Variants in CFAP46 observed in about 807,000 individuals in gnomAD.
CFAP46 encodes the protein cilia- and flagella-associated protein 46.
In CFAP46, 245 loss-of-function variants were observed where a neutral mutation model predicts 325.7. The ratio of observed to expected loss-of-function variants is 0.75; its 90% CI spans 0.68 to 0.84. The LOEUF (loss-of-function observed/expected upper bound fraction) is 0.84. CFAP46 is among the 40% of genes least tolerant of loss of function. The probability of loss-of-function intolerance (pLI) is 0.00; values close to 1 mark genes in which losing one functional copy is unlikely to be tolerated. For missense variants in CFAP46, 3,346 were observed against 3,543.0 expected (o/e 0.94, Z 1.41); for synonymous variants, 1,523 against 1,495.9 (o/e 1.02, Z -0.42).
intron 34 of CFAP46, among the ~76,000 whole-genome samples, chr10:132,866,433 C>T (rs993705339): frequency 1.3e-5 from 2 of 152,304 alleles, no homozygotes; most frequent in East Asian, 1.9e-4. Flanking sequence ...TTGAAGCCAA[C>T]TAAGCCCACC....
chr10:132,922,765 G>C, intron 11 of CFAP46, 57 bp from the exon 12 acceptor site: 1 of 1,385,650 alleles, frequency 7.2e-7, no homozygotes, highest in Non-Finnish European at 9.9e-7. Flanking sequence ...TGTCAGGCTG[G>C]GGTCACACCC....
rs559618044 is a variant in CFAP46 at position 132,869,322 on chromosome 10, T to C, written c.4562A>G (p.His1521Arg). The change falls in exon 33 of 58, where the codon CAT (histidine) becomes CGT (arginine). Residue 1521 changes from histidine to arginine, a missense_variant. Physicochemically the swap from His to Arg is conservative, Grantham distance 29 (BLOSUM62 0). Coordinates refer to ENST00000368586, the MANE Select transcript of CFAP46 (RefSeq NM_001200049.3). The surrounding 1 kb of genome is among the most constrained non-coding windows in gnomAD (Gnocchi z 6.2). ...GCACACCTGCCCGACCGCCTCTTCA[T>C]GGCGCGCGGCTGCTTCTCTCAGCTT... The part of the protein sequence containing the change: ...ELKLREAAAR[H>R]EEAVGQVCVS... 35 of 1,539,402 alleles carry C rather than the reference T, an allele frequency of 2.3e-5. No individual in the cohort carries two copies. The South Asian group carries it at 3.8e-4, about 17-fold the overall frequency.
intron 46 of CFAP46, among the ~76,000 whole-genome samples, chr10:132,835,903 G>C (rs1370425575): frequency 5.4e-5 from 2 of 36,836 alleles, no homozygotes; most frequent in Admixed American, 3.2e-4. Flanking sequence ...CCATGCTCCC[G>C]TCCCCTCCGC....
chr10:132,938,360 G>C (rs147740613), intron 5 of CFAP46, among the ~76,000 whole-genome samples: 1 of 152,366 alleles, frequency 6.6e-6, no homozygotes, highest in East Asian at 1.9e-4. Flanking sequence ...ACAGTATCTT[G>C]TTCTGTTGTC....
rs777370005 is a variant in CFAP46, at chr10:132,934,864, T to C, written c.756-2A>G. 9.6e-6 allele frequency: 15 copies of C among 1,559,116 alleles called. No homozygotes were observed. Among genetic ancestry groups the C allele is most frequent in the Non-Finnish European group, 1.8e-6 (2 of 1,130,708 alleles). ...GGTAAATCATTTTGCTCCGCTTTTC[T>C]AGAAATAATTCAGAGAGTAATTCAG... On this transcript the variant is annotated splice_acceptor_variant, in intron 7 of 57. Coordinates refer to ENST00000368586, the MANE Select transcript of CFAP46 (RefSeq NM_001200049.3). LOFTEE classifies it high-confidence loss of function.
chr10:132,929,274 C>T (rs939711377), intron 9 of CFAP46: 1 of 585,518 alleles, frequency 1.7e-6, no homozygotes, highest in South Asian at 2.2e-5. Flanking sequence ...GCTGTGGCCT[C>T]TCCCTCAGAA....
chr10:132,902,499 T>C (rs1470912988), intron 22 of CFAP46, among the ~76,000 whole-genome samples: 1 of 152,252 alleles, frequency 6.6e-6, no homozygotes, highest in Non-Finnish European at 1.5e-5. Context: ...TTATTATCGG[T>C]TCCATTCTTT....
chr10:132,827,994 C>T lies in CFAP46; in HGVS notation c.7117+5364G>A, dbSNP rs1002210108. On this transcript the variant is annotated intron_variant, in intron 50 of 57. Coordinates refer to ENST00000368586, the MANE Select transcript of CFAP46 (RefSeq NM_001200049.3). This position sits in a 1 kb window ranked among gnomAD's most constrained non-coding sequence, Gnocchi z 5.7. ...CCCTCAGCGTAATCCTTCTGAGCCC[C>T]GTCTACGCTGTCCCACGCACCAACA... Among the ~76,000 whole-genome samples, 1 of 151,274 alleles carries T rather than the reference C, an allele frequency of 6.6e-6. No individual in the cohort carries two copies. Among genetic ancestry groups the T allele is most frequent in the South Asian group, 2.1e-4 (1 of 4,820 alleles).
intron 19 of CFAP46, among the ~76,000 whole-genome samples, chr10:132,911,765 A>G (rs1849543812): frequency 6.6e-6 from 1 of 152,168 alleles, no homozygotes; most frequent in Non-Finnish European, 1.5e-5. Flanking sequence ...GGTCTGCTGC[A>G]TTTTACTGGG....
intron 44 of CFAP46, 175 bp from the exon 45 acceptor site, chr10:132,837,089 G>C (rs1286352733): frequency 1.1e-5 from 6 of 562,416 alleles, no homozygotes; most frequent in Non-Finnish European, 1.9e-5. Flanking sequence ...ACTCGGGGCT[G>C]CCACCAGGGG....
intron 28 of CFAP46, among the ~76,000 whole-genome samples, chr10:132,879,937 G>A (rs1849013778): frequency 6.6e-6 from 1 of 151,666 alleles, no homozygotes; most frequent in South Asian, 2.1e-4. Flanking sequence ...AGCTGCACCT[G>A]GCCTGGGCAC....
rs558198706 is a variant in CFAP46, at chr10:132,909,258, T to C, written c.2650-14A>G. On this transcript the variant is annotated splice_polypyrimidine_tract_variant and intron_variant, in intron 20 of 57. Coordinates refer to ENST00000368586, the MANE Select transcript of CFAP46 (RefSeq NM_001200049.3). ...CTCATTGGTGCCCTGGTGGGGAGGATGCCCTGAGTGTATCAGCCCAAGCGT... is the reference window on the plus strand; with the variant it reads ...CTCATTGGTGCCCTGGTGGGGAGGACGCCCTGAGTGTATCAGCCCAAGCGT... 113 of 1,540,532 alleles carry C rather than the reference T, an allele frequency of 7.3e-5. No individual in the cohort carries two copies. The African/African-American group carries it at 1.4e-3, about 18-fold the overall frequency.
At chr10:132,867,006 G>A (rs929987615) in intron 34 of CFAP46, among the ~76,000 whole-genome samples, 3 of 152,166 alleles carry the variant, frequency 2.0e-5, no homozygotes, top group Non-Finnish European at 2.9e-5. Flanking sequence ...AGGGAGGCCC[G>A]TGGTGCACAT....
intron 35 of CFAP46, among the ~76,000 whole-genome samples, chr10:132,864,252 C>T (rs1311502635): frequency 1.4e-5 from 2 of 139,022 alleles, no homozygotes; most frequent in Non-Finnish European, 3.1e-5. Context: ...ACACACCCGT[C>T]CCCAGTGTCT....
At chr10:132,870,879 C>T (rs61862306) in intron 32 of CFAP46, among the ~76,000 whole-genome samples, 4,877 of 152,302 alleles carry the variant, frequency 0.032, 120 homozygotes, top group Non-Finnish European at 0.044. Flanking sequence ...CACTGTAGAC[C>T]GCACAGCCTT....
In CFAP46 at chr10:132,866,341, C is replaced by T. The variant is rs1848812709; in HGVS notation, c.4744-170G>A. On this transcript the variant is annotated intron_variant, in intron 34 of 57. Transcript: ENST00000368586. ...GGCGCCTCGCAAGCTCCCCGTGTGC[C>T]CCAAGGCCAGAGCTCAGGCCTTTGC... 2.0e-5 allele frequency among the ~76,000 whole-genome samples: 3 copies of T among 152,304 alleles called. 1 individual carries two copies. The South Asian group carries it at 6.2e-4, about 32-fold the overall frequency.
chr10:132,872,409 A>T (rs1848905732), intron 32 of CFAP46: 6 of 415,550 alleles, frequency 1.4e-5, no homozygotes, highest in Middle Eastern at 7.4e-4. Context: ...GTGTGTCACC[A>T]TACCTGGCTA....
intron 49 of CFAP46, among the ~76,000 whole-genome samples, chr10:132,833,798 C>T (rs983710990): frequency 3.9e-5 from 6 of 152,178 alleles, no homozygotes; most frequent in Non-Finnish European, 5.9e-5. Flanking sequence ...GTGCTGGGTT[C>T]CGTGGTGCTC....
chr10:132,882,685 G>A (rs1001631281), intron 27 of CFAP46, among the ~76,000 whole-genome samples: 2 of 151,988 alleles, frequency 1.3e-5, no homozygotes, highest in Admixed American at 6.5e-5. Flanking sequence ...AGATCAGATG[G>A]CCAAGGTCCT....
Sources: gnomAD v4.1 joint callset for allele counts (sites outside exome capture counted in the v4.1 genomes callset) on GRCh38, gnomAD v4.1.1 for gene constraint, Gnocchi (gnomAD v3.1) non-coding constraint, MANE v1.5 for transcripts, NCBI Gene and HGNC (gene_info 2026-07-23, HGNC 2026-07-21) for gene names.